The following PAK2 variants were observed in gnomAD, a reference collection of about 807,000 sequenced individuals.
The protein encoded by PAK2 is p21 (RAC1) activated kinase 2.
Under a neutral mutation model 65.9 loss-of-function variants are expected in PAK2, and 21 were observed. The observed-to-expected ratio is 0.32, with a 90% CI of 0.23 to 0.46. The LOEUF (loss-of-function observed/expected upper bound fraction) is 0.46, where lower values mean the gene tolerates loss of function less well. Among genes scored for constraint, PAK2 ranks in the 20% least tolerant of loss-of-function variants. The probability of loss-of-function intolerance (pLI) is 1.00; values close to 1 mark genes in which losing one functional copy is unlikely to be tolerated. For synonymous variants in PAK2, 204 were observed against 219.7 expected (o/e 0.93, Z 0.63); for missense variants, 324 against 642.6 (o/e 0.50, Z 5.36).
chr3:196,742,099 C>CT (rs60738699), intron 1 of PAK2, among the ~76,000 whole-genome samples: 12,164 of 128,934 alleles, frequency 0.094, 884 homozygotes, highest in African/African-American at 0.14. Flanking sequence ...ATTAATATTT[C>CT]TTTTTTTTTT....
At chr3:196,808,515 C>A (rs1401271235) in intron 7 of PAK2, among the ~76,000 whole-genome samples, 1 of 145,386 alleles carries the variant, frequency 6.9e-6, no homozygotes, top group Non-Finnish European at 1.5e-5. Flanking sequence ...GAGCCGAGAT[C>A]GCGCCACTGC....
intron 1 of PAK2, among the ~76,000 whole-genome samples, chr3:196,756,243 A>T (rs1279694961): frequency 1.3e-5 from 2 of 152,204 alleles, no homozygotes; most frequent in South Asian, 4.1e-4. Flanking sequence ...AAAAAGGGTC[A>T]CATTTGAATT....
chr3:196,816,728 GAAA>G (rs774592285), intron 11 of PAK2, among the ~76,000 whole-genome samples: 98 of 152,250 alleles, frequency 6.4e-4, no homozygotes, highest in Admixed American at 2.2e-3. Flanking sequence ...ATGGGAGTAA[GAAA>G]TAAAAGCACA....
At chr3:196,775,819 G>T (rs768302708) in intron 1 of PAK2, among the ~76,000 whole-genome samples, 5 of 152,178 alleles carry the variant, frequency 3.3e-5, no homozygotes, top group Non-Finnish European at 7.3e-5. Flanking sequence ...ATACTGTAAT[G>T]AAAAGCAGTA....
chr3:196,813,881 T>C (rs1455501051), intron 10 of PAK2, among the ~76,000 whole-genome samples: 2 of 151,964 alleles, frequency 1.3e-5, no homozygotes, highest in Non-Finnish European at 2.9e-5. Flanking sequence ...ACCCAAGAGG[T>C]GGAGGCTGCA....
chr3:196,803,622 G>T (rs1176670950), intron 4 of PAK2, among the ~76,000 whole-genome samples: 1 of 152,186 alleles, frequency 6.6e-6, no homozygotes, highest in Non-Finnish European at 1.5e-5. Context: ...GCAGATAATA[G>T]AATATATGTA....
At chr3:196,793,510 T>C (rs1181494601) in intron 2 of PAK2, among the ~76,000 whole-genome samples, 1 of 152,218 alleles carries the variant, frequency 6.6e-6, no homozygotes, top group African/African-American at 2.4e-5. Flanking sequence ...TAATACTTTC[T>C]ATATGAGTAG....
At chr3:196,802,689 A>G (rs562084109) in intron 3 of PAK2, among the ~76,000 whole-genome samples, 6 of 152,006 alleles carry the variant, frequency 3.9e-5, no homozygotes, top group African/African-American at 1.4e-4. Context: ...CTAAAAATAC[A>G]AAAAATTAGC....
intron 13 of PAK2, among the ~76,000 whole-genome samples, chr3:196,825,613 A>G (rs1030906371): frequency 6.6e-6 from 1 of 152,186 alleles, no homozygotes; most frequent in African/African-American, 2.4e-5. Flanking sequence ...ATTGCATTCC[A>G]GCCTGGGCCA....
At chr3:196,827,090 T>C (rs928921060) in intron 13 of PAK2, 106 bp from the exon 14 acceptor site, 2 of 614,280 alleles carry the variant, frequency 3.3e-6, no homozygotes, top group African/African-American at 1.9e-5. Flanking sequence ...GTTTAGTATT[T>C]ATGGTGATTT....
rs117861566 is a variant in PAK2 at position 196,770,022 on chromosome 3, A to G, written c.-21-12604A>G. On this transcript the variant is annotated intron_variant, in intron 1 of 14. Transcript: ENST00000327134. ...TGTCATCCCAGCACTTTGAGAGTCC[A>G]CAGTGGGAGGATAGCTTGAGCTAAG... is the stretch of plus-strand genomic sequence containing the variant. Among the ~76,000 whole-genome samples, 332 of 152,152 alleles carry G rather than the reference A, an allele frequency of 2.2e-3. 4 individuals carry two copies. In the East Asian group the frequency reaches 0.025, roughly 11 times the overall value.
At chr3:196,785,372 A>T (rs1714852596) in intron 2 of PAK2, among the ~76,000 whole-genome samples, 1 of 152,214 alleles carries the variant, frequency 6.6e-6, no homozygotes, top group African/African-American at 2.4e-5. Flanking sequence ...GCTGGGTTAC[A>T]GGCTGTTCCC....
chr3:196,781,693 C>A (rs994943406), intron 1 of PAK2, among the ~76,000 whole-genome samples: 1 of 152,192 alleles, frequency 6.6e-6, no homozygotes, highest in Non-Finnish European at 1.5e-5. Flanking sequence ...CTTGGCCAGG[C>A]GTGGGGGCTC....
chr3:196,815,159 A>C (rs150231623), intron 11 of PAK2, among the ~76,000 whole-genome samples: 2 of 151,634 alleles, frequency 1.3e-5, no homozygotes, highest in Non-Finnish European at 2.9e-5. Flanking sequence ...CAGCCTGGGC[A>C]ACAGAGCGAG....
Position 196,806,697 on chromosome 3 carries a change from A to T in PAK2, c.576+11A>T. The T allele has an allele frequency of 6.8e-7, 1 of 1,462,292 alleles. No individual in the cohort carries two copies. Among genetic ancestry groups the T allele is most frequent in the Non-Finnish European group, 9.6e-7 (1 of 1,041,372 alleles). 90.6% of individuals were successfully genotyped at this position (1,462,292 alleles called of 1,614,324 possible). A position where few individuals can be genotyped will look rare whatever the true frequency, so the allele number is the denominator to read the frequency against. The stretch of plus-strand genomic sequence containing the variant: ...GATCATACGAAATCAGTGAGTCTCC[A>T]TCGGTGATCTAGGCTGTGTGTGTGC... On this transcript the variant is annotated intron_variant, in intron 6 of 14. Coordinates refer to ENST00000327134, the MANE Select transcript of PAK2 (RefSeq NM_002577.4).
intron 8 of PAK2, 81 bp from the exon 9 acceptor site, chr3:196,812,138 C>A: frequency 1.2e-6 from 1 of 821,740 alleles, no homozygotes; most frequent in Non-Finnish European, 2.1e-6. Flanking sequence ...TTTTCAATTG[C>A]TTGAAGTGTA....
At chr3:196,826,438 C>T (rs891342186) in intron 13 of PAK2, among the ~76,000 whole-genome samples, 7 of 152,040 alleles carry the variant, frequency 4.6e-5, no homozygotes, top group East Asian at 3.9e-4. Context: ...TCCCAAAGTA[C>T]TGGGATTACA....
chr3:196,814,477 TG>T lies in PAK2; in HGVS notation c.964del (p.Val322SerfsTer14). ...DSYLVGDELF[V>X]VMEYLAGGSL... Reference sequence around the variant, plus strand: ...TACCTGGTAGGAGATGAATTGTTTGTGGTCATGGAATACCTTGCTGGGGGGT... The same window carrying T: ...TACCTGGTAGGAGATGAATTGTTTGTGTCATGGAATACCTTGCTGGGGGGT... On this transcript the variant is annotated frameshift_variant, in exon 11 of 15. Coordinates refer to ENST00000327134, the MANE Select transcript of PAK2 (RefSeq NM_002577.4). LOFTEE classifies it high-confidence loss of function. 2 of 1,476,712 alleles carry T rather than the reference TG, an allele frequency of 1.4e-6. No individual in the cohort carries two copies. The highest frequency in any genetic ancestry group is 1.9e-6 in the Non-Finnish European group (2 of 1,064,144). The allele number at this position is 1,476,712 out of a possible 1,614,324, so 91.5% of individuals were successfully genotyped here.
chr3:196,822,106 A>G (rs1038468922), intron 13 of PAK2, among the ~76,000 whole-genome samples: 1 of 152,190 alleles, frequency 6.6e-6, no homozygotes, highest in African/African-American at 2.4e-5. Flanking sequence ...GTGGGCCGTT[A>G]AAGTACTTCT....
Sources: gnomAD v4.1 joint callset for allele counts (sites outside exome capture counted in the v4.1 genomes callset) on GRCh38, gnomAD v4.1.1 for gene constraint, MANE v1.5 for transcripts, NCBI Gene and HGNC (gene_info 2026-07-23, HGNC 2026-07-21) for gene names.